The following MAP3K7CL variants were observed in gnomAD, a reference collection of about 807,000 sequenced individuals.
MAP3K7CL encodes MAP3K7 C-terminal-like protein.
In MAP3K7CL, 16 loss-of-function variants were observed where a neutral mutation model predicts 18.6. The observed-to-expected ratio is 0.86, with a 90% CI of 0.58 to 1.31. The LOEUF is 1.31. MAP3K7CL is among the 50% of genes most tolerant of loss of function. The pLI is 0.00. For missense variants in MAP3K7CL, 163 were observed against 174.4 expected (o/e 0.93, Z 0.37); for synonymous variants, 65 against 66.8 (o/e 0.97, Z 0.13).
intron 4 of MAP3K7CL, among the ~76,000 whole-genome samples, chr21:29,101,526 G>A (rs8128921): frequency 0.56 from 85,857 of 151,982 alleles, 24,607 homozygotes; most frequent in African/African-American, 0.66. Flanking sequence ...CTCCTGCCTC[G>A]GCCTCCTGAG....
chr21:29,088,831 G>A (rs1441594103), intron 1 of MAP3K7CL, among the ~76,000 whole-genome samples: 1 of 152,136 alleles, frequency 6.6e-6, no homozygotes, highest in African/African-American at 2.4e-5. Context: ...ATCTTGGGGT[G>A]TGACTGTACC....
At chr21:29,160,773 C>T (rs1210281688) in intron 4 of MAP3K7CL, among the ~76,000 whole-genome samples, 1 of 152,092 alleles carries the variant, frequency 6.6e-6, no homozygotes, top group Admixed American at 6.6e-5. Flanking sequence ...ATTAGATCTC[C>T]TTTTGATTAC....
intron 4 of MAP3K7CL, among the ~76,000 whole-genome samples, chr21:29,171,384 C>CA (rs1341110904): frequency 1.3e-5 from 2 of 152,148 alleles, no homozygotes; most frequent in Non-Finnish European, 2.9e-5. Context: ...CAGTGGACAC[C>CA]AAAGTGGGTA....
At chr21:29,164,916 G>A (rs2087647981) in intron 4 of MAP3K7CL, among the ~76,000 whole-genome samples, 1 of 151,994 alleles carries the variant, frequency 6.6e-6, no homozygotes, top group South Asian at 2.1e-4. Flanking sequence ...TGCATATACA[G>A]TAACGTGGAA....
chr21:29,168,853 A>G (rs1173068341), intron 4 of MAP3K7CL, among the ~76,000 whole-genome samples: 1 of 152,238 alleles, frequency 6.6e-6, no homozygotes, highest in Non-Finnish European at 1.5e-5. Context: ...TCTTTTAAGT[A>G]GGTTTCCCTT....
rs980346112 is a variant in MAP3K7CL at position 29,175,090 on chromosome 21, A to C, written c.*198A>C. ...TTTTAAATGAGATCATTAACGTGAA[A>C]CTATTACTAGTATATGTTTTTGGAG... On this transcript the variant is annotated 3_prime_UTR_variant, in exon 5 of 5. Transcript: ENST00000399928. 1 of 467,296 alleles carries C rather than the reference A, an allele frequency of 2.1e-6. No homozygotes were observed. Among genetic ancestry groups the C allele is most frequent in the Non-Finnish European group, 3.7e-6 (1 of 268,562 alleles). 28.9% of individuals were successfully genotyped at this position (467,296 alleles called of 1,614,324 possible).
intron 4 of MAP3K7CL, chr21:29,108,987 G>C: frequency 2.1e-6 from 3 of 1,424,786 alleles, no homozygotes; most frequent in Non-Finnish European, 2.8e-6. Flanking sequence ...TGAATTCAAT[G>C]TCGGCTGGAC....
At chr21:29,165,884 A>G (rs2087674527) in intron 4 of MAP3K7CL, among the ~76,000 whole-genome samples, 2 of 152,202 alleles carry the variant, frequency 1.3e-5, no homozygotes, top group East Asian at 3.8e-4. Context: ...TTTAATTGAC[A>G]TGTAGTAATT....
At chr21:29,149,397 C>T in intron 3 of MAP3K7CL, 147 bp downstream of exon 3, 1 of 703,104 alleles carries the variant, frequency 1.4e-6, no homozygotes, top group Non-Finnish European at 2.5e-6. Flanking sequence ...TTCTAGAGCT[C>T]CAAAGTCAGG....
intron 1 of MAP3K7CL, among the ~76,000 whole-genome samples, chr21:29,088,111 T>C (rs1167700462): frequency 6.6e-6 from 1 of 152,226 alleles, no homozygotes; most frequent in African/African-American, 2.4e-5. Flanking sequence ...AAAGTGTATG[T>C]CTCTGCACTC....
chr21:29,174,486 T>C (rs2087917156), intron 4 of MAP3K7CL, among the ~76,000 whole-genome samples: 1 of 152,202 alleles, frequency 6.6e-6, no homozygotes, highest in Non-Finnish European at 1.5e-5. Context: ...TATGGGACTT[T>C]TGGTGTATGG....
chr21:29,124,373 AAAAAG>A (rs2086648834), intron 4 of MAP3K7CL, among the ~76,000 whole-genome samples: 2 of 151,936 alleles, frequency 1.3e-5, no homozygotes, highest in East Asian at 1.9e-4. Context: ...AAAAAAAAAA[AAAAAG>A]AACACATGTG....
chr21:29,128,066 G>C (rs534749560), upstream of MAP3K7CL: 3 of 152,358 alleles, frequency 2.0e-5, no homozygotes, highest in African/African-American at 7.2e-5. Context: ...GTCACCACCA[G>C]CTTTTCTGAA....
intron 4 of MAP3K7CL, among the ~76,000 whole-genome samples, chr21:29,100,639 G>A (rs1416668748): frequency 6.7e-6 from 1 of 149,854 alleles, no homozygotes; most frequent in Non-Finnish European, 1.5e-5. Flanking sequence ...CTGGAAAAGT[G>A]TAGTAGTTAT....
chr21:29,077,274 T>C (rs537077912), upstream of MAP3K7CL, among the ~76,000 whole-genome samples: 8 of 152,334 alleles, frequency 5.3e-5, no homozygotes, highest in East Asian at 1.2e-3. Flanking sequence ...GGCTCGGGCA[T>C]GGCGGGCTGC....
chr21:29,096,357 G>C (rs895860920), intron 4 of MAP3K7CL, among the ~76,000 whole-genome samples: 3 of 152,160 alleles, frequency 2.0e-5, no homozygotes, highest in African/African-American at 7.2e-5. Flanking sequence ...TCAGAGTCTA[G>C]TGGTAAAGAG....
At chr21:29,130,550 G>T, upstream of MAP3K7CL, 1 of 964,580 alleles carries the variant, frequency 1.0e-6, no homozygotes, top group Non-Finnish European at 1.2e-6. Flanking sequence ...CAGGACTAAT[G>T]AATTAAAACA....
At chr21:29,114,630 A>T (rs890571857) in intron 4 of MAP3K7CL, among the ~76,000 whole-genome samples, 5 of 152,146 alleles carry the variant, frequency 3.3e-5, no homozygotes, top group African/African-American at 1.2e-4. Context: ...GGCTCAAAAG[A>T]TCCACCTGCC....
intron 4 of MAP3K7CL, among the ~76,000 whole-genome samples, chr21:29,164,389 A>T (rs2087631727): frequency 6.6e-6 from 1 of 152,206 alleles, no homozygotes; most frequent in Non-Finnish European, 1.5e-5. Flanking sequence ...GTAGCTGATT[A>T]TGTTGCCTCT....
Sources: allele counts gnomAD v4.1 joint callset (sites outside exome capture counted in the v4.1 genomes callset), GRCh38; gene constraint gnomAD v4.1.1; transcripts MANE v1.5; gene names NCBI Gene and HGNC (gene_info 2026-07-23, HGNC 2026-07-21).